ZNF827: variants seen among roughly 807,000 people sequenced by gnomAD.
ZNF827 encodes zinc finger protein 827.
In ZNF827, 13 loss-of-function variants were observed where a neutral mutation model predicts 102.4. That is an observed-to-expected ratio of 0.13 (90% CI 0.08 to 0.20). The LOEUF (loss-of-function observed/expected upper bound fraction) is 0.20, where lower values mean the gene tolerates loss of function less well. ZNF827 is among the 10% of genes least tolerant of loss of function. The pLI, the probability that ZNF827 is intolerant of heterozygous loss-of-function variation, is 1.00. For missense variants in ZNF827, 1,103 were observed against 1,344.4 expected (o/e 0.82, Z 2.81); for synonymous variants, 523 against 536.2 (o/e 0.98, Z 0.34).
At chr4:145,833,784 C>G (rs1401175583) in intron 7 of ZNF827, among the ~76,000 whole-genome samples, 1 of 151,792 alleles carries the variant, frequency 6.6e-6, no homozygotes, top group Non-Finnish European at 1.5e-5. Context: ...CCTCTTTTAT[C>G]TCTGTGCCCC....
chr4:145,802,394 T>C (rs1740997208), intron 8 of ZNF827, among the ~76,000 whole-genome samples: 1 of 152,218 alleles, frequency 6.6e-6, no homozygotes, highest in South Asian at 2.1e-4. Flanking sequence ...AAAGGTCTAG[T>C]TCAGGAACAA....
At chr4:145,936,384 A>C (rs1306646945) in intron 1 of ZNF827, among the ~76,000 whole-genome samples, 2 of 151,850 alleles carry the variant, frequency 1.3e-5, no homozygotes, top group African/African-American at 4.8e-5. Flanking sequence ...TATATATTAC[A>C]TATGTGATAT....
intron 8 of ZNF827, among the ~76,000 whole-genome samples, chr4:145,799,617 T>A (rs533057980): frequency 5.9e-5 from 9 of 152,258 alleles, no homozygotes; most frequent in African/African-American, 1.7e-4. Context: ...ATCCATACTT[T>A]TCTCCTTCCT....
intron 8 of ZNF827, 106 bp downstream of exon 8, chr4:145,823,316 T>C: frequency 1.1e-6 from 1 of 908,696 alleles, no homozygotes; most frequent in Non-Finnish European, 1.7e-6. Flanking sequence ...TAACCTTATA[T>C]GAATAACTAC....
At position 145,846,395 on chromosome 4, in the gene ZNF827, G is replaced by A. The variant is rs566545895; in HGVS notation, c.2222-382C>T. 7.9e-5 allele frequency among the ~76,000 whole-genome samples: 12 copies of A among 151,886 alleles called. No individual in the cohort carries two copies. In the South Asian group the frequency reaches 1.5e-3, roughly 19 times the overall value. ...AGGGAGGCTGAGGCAGGAGAATGGC[G>A]TGAACCCGGGAGGCGGAGCTTGCAG... is the stretch of plus-strand genomic sequence containing the variant. On this transcript the variant is annotated intron_variant, in intron 6 of 14. Coordinates refer to ENST00000508784, the MANE Select transcript of ZNF827 (RefSeq NM_001306215.2).
intron 11 of ZNF827, among the ~76,000 whole-genome samples, chr4:145,766,553 G>A (rs189536493): frequency 1.4e-4 from 21 of 152,280 alleles, no homozygotes; most frequent in African/African-American, 4.1e-4. Flanking sequence ...TCCGAGTGGC[G>A]GATACAGAGC....
intron 1 of ZNF827, among the ~76,000 whole-genome samples, chr4:145,922,617 C>T (rs1202819589): frequency 2.0e-5 from 3 of 152,322 alleles, no homozygotes; most frequent in East Asian, 1.9e-4. Flanking sequence ...TTTAATAACA[C>T]ATGTAATGAA....
intron 1 of ZNF827, among the ~76,000 whole-genome samples, chr4:145,912,653 G>T (rs1031111479): frequency 6.6e-6 from 1 of 152,172 alleles, no homozygotes; most frequent in Non-Finnish European, 1.5e-5. Flanking sequence ...GGGAAATTTG[G>T]ATGCAGAGAC....
intron 8 of ZNF827, among the ~76,000 whole-genome samples, chr4:145,814,813 C>T (rs112006665): frequency 4.3e-4 from 64 of 150,414 alleles, no homozygotes; most frequent in African/African-American, 1.5e-3. Context: ...TTGTGGCATG[C>T]GCCTGTAATC....
At chr4:145,823,029 C>T (rs928821679) in intron 8 of ZNF827, among the ~76,000 whole-genome samples, 2 of 152,210 alleles carry the variant, frequency 1.3e-5, no homozygotes, top group African/African-American at 4.8e-5. Context: ...CCCACACCCC[C>T]TGGGGTCATG....
chr4:145,783,577 A>C (rs1173568217), intron 8 of ZNF827, among the ~76,000 whole-genome samples: 4 of 152,244 alleles, frequency 2.6e-5, no homozygotes, highest in African/African-American at 9.6e-5. Flanking sequence ...CCCAACAGTC[A>C]TTCTCAACTT....
intron 4 of ZNF827, among the ~76,000 whole-genome samples, chr4:145,883,602 T>C (rs904832684): frequency 2.0e-5 from 3 of 152,202 alleles, no homozygotes; most frequent in Admixed American, 6.5e-5. Flanking sequence ...AAGCCATGCA[T>C]CATACACAAG....
chr4:145,839,574 G>T (rs1745217496), intron 7 of ZNF827: 1 of 152,244 alleles, frequency 6.6e-6, no homozygotes, highest in Non-Finnish European at 1.5e-5. Flanking sequence ...ATGCAAGAGG[G>T]CTGCTTTACA....
In ZNF827 at chr4:145,761,097, C is replaced by T; in HGVS notation, c.*519G>A. ...TAACTGACAGGGGAGACAGGAGATT[C>T]CGGGAGCTCCCGACCACCAGGAGCG... On this transcript the variant is annotated 3_prime_UTR_variant, in exon 15 of 15. Transcript: ENST00000508784. The surrounding 1 kb of genome is among the most constrained non-coding windows in gnomAD (Gnocchi z 6.8). 1 of 1,289,546 alleles carries T rather than the reference C, an allele frequency of 7.8e-7. No individual in the cohort carries two copies. Among genetic ancestry groups the T allele is most frequent in the South Asian group, 1.2e-5 (1 of 81,006 alleles). The allele number at this position is 1,289,546 out of a possible 1,614,324, so 79.9% of individuals were successfully genotyped here. A position where few individuals can be genotyped will look rare whatever the true frequency, so the allele number is the denominator to read the frequency against.
At chr4:145,898,452 C>G (rs1292350989) in intron 2 of ZNF827, among the ~76,000 whole-genome samples, 1 of 152,112 alleles carries the variant, frequency 6.6e-6, no homozygotes, top group East Asian at 1.9e-4. Context: ...AGTCTGGCAT[C>G]CTGGGAATCT....
chr4:145,919,184 G>C (rs1282866501), intron 1 of ZNF827, among the ~76,000 whole-genome samples: 1 of 152,052 alleles, frequency 6.6e-6, no homozygotes, highest in East Asian at 1.9e-4. Flanking sequence ...AGACCAGTAA[G>C]TGGAGGCTGC....
At chr4:145,870,982 T>C (rs1748633997) in intron 4 of ZNF827, among the ~76,000 whole-genome samples, 1 of 152,208 alleles carries the variant, frequency 6.6e-6, no homozygotes. Flanking sequence ...TAGACCACTC[T>C]TGCCTCATTA....
At position 145,760,701 on chromosome 4, in the gene ZNF827, G is replaced by A; in HGVS notation, c.*915C>T. The A allele has an allele frequency of 4.9e-6, 5 of 1,020,780 alleles. No homozygotes were observed. The South Asian group carries it at 1.2e-4, about 25-fold the overall frequency. 63.2% of individuals were successfully genotyped at this position (1,020,780 alleles called of 1,614,324 possible). On this transcript the variant is annotated 3_prime_UTR_variant, in exon 15 of 15. Transcript: ENST00000508784. ...TTTGCAGCAACATACACCTGCTGGG[G>A]TTGTGTTTAAGTTTTGTGGTTTTTT...
chr4:145,817,066 T>C (rs1742657140), intron 8 of ZNF827, among the ~76,000 whole-genome samples: 1 of 152,208 alleles, frequency 6.6e-6, no homozygotes. Context: ...ATCATAAGTA[T>C]GCAGCTTGAT....
Sources: gnomAD v4.1 joint callset for allele counts (sites outside exome capture counted in the v4.1 genomes callset) on GRCh38, gnomAD v4.1.1 for gene constraint, Gnocchi (gnomAD v3.1) non-coding constraint, MANE v1.5 for transcripts, NCBI Gene and HGNC (gene_info 2026-07-23, HGNC 2026-07-21) for gene names.